Variants in THADA observed in about 807,000 individuals in gnomAD.
THADA encodes tRNA (32-2'-O)-methyltransferase regulator THADA.
In THADA, 213 loss-of-function variants were observed where a neutral mutation model predicts 219.8. That is an observed-to-expected ratio of 0.97 (90% confidence interval 0.87 to 1.09). The LOEUF (loss-of-function observed/expected upper bound fraction) is 1.09. Among genes scored for constraint, THADA ranks in the 50% least tolerant of loss-of-function variants. The pLI, the probability that THADA is intolerant of heterozygous loss-of-function variation, is 0.00. For synonymous variants in THADA, 1,018 were observed against 828.9 expected, an observed-to-expected ratio of 1.23 and a Z score of -3.92; for missense variants, 2,956 against 2,311.3, an observed-to-expected ratio of 1.28 and a Z score of -5.72.
chr2:43,322,132 T>C (rs1482331246), intron 30 of THADA, among the ~76,000 whole-genome samples: 1 of 151,848 alleles, frequency 6.6e-6, no homozygotes, highest in Non-Finnish European at 1.5e-5. Flanking sequence ...ACCTCCTGAA[T>C]TCGTGATTAT....
intron 30 of THADA, among the ~76,000 whole-genome samples, chr2:43,339,156 T>G (rs1415075510): frequency 1.3e-5 from 2 of 152,206 alleles, no homozygotes; most frequent in African/African-American, 4.8e-5. Flanking sequence ...CTTCCAAATT[T>G]TGTACTTGAC....
intron 22 of THADA, among the ~76,000 whole-genome samples, chr2:43,515,188 TATATTATATATAATATATA>T: frequency 1.8e-5 from 1 of 55,310 alleles, no homozygotes; most frequent in Non-Finnish European, 3.1e-5. Flanking sequence ...TTATATATAA[TATATTATATATAATATATA>T]ATATATAATA....
chr2:43,232,473 C>T (rs1034245520), intron 37 of THADA, among the ~76,000 whole-genome samples: 35 of 152,180 alleles, frequency 2.3e-4, no homozygotes, highest in Admixed American at 6.5e-4. Context: ...CCGCTGTGCC[C>T]GGCCAGGGGC....
intron 31 of THADA, among the ~76,000 whole-genome samples, chr2:43,307,527 G>A (rs1300770051): frequency 6.6e-6 from 1 of 152,244 alleles, no homozygotes; most frequent in Non-Finnish European, 1.5e-5. Flanking sequence ...CAATAGTTAT[G>A]TGTTCTCTCA....
chr2:43,428,378 C>A (rs975829221), intron 27 of THADA, 147 bp from the exon 28 acceptor site: 3 of 682,344 alleles, frequency 4.4e-6, no homozygotes, highest in African/African-American at 1.8e-5. Flanking sequence ...GAGGCCGAGG[C>A]GGATGGATCA....
intron 28 of THADA, among the ~76,000 whole-genome samples, chr2:43,404,517 T>G (rs917373878): frequency 2.0e-5 from 3 of 152,018 alleles, no homozygotes; most frequent in Non-Finnish European, 4.4e-5. Flanking sequence ...ACCTTTTTTG[T>G]GAAACTTTAC....
intron 29 of THADA, among the ~76,000 whole-genome samples, chr2:43,361,905 C>G (rs777158825): frequency 6.6e-6 from 1 of 152,170 alleles, no homozygotes; most frequent in Admixed American, 6.5e-5. Context: ...AAGGTATTAA[C>G]TCTATTAGTT....
At chr2:43,561,195 C>T (rs1484012199) in intron 15 of THADA, among the ~76,000 whole-genome samples, 1 of 152,124 alleles carries the variant, frequency 6.6e-6, no homozygotes, top group Non-Finnish European at 1.5e-5. Context: ...ATTAGACTGG[C>T]TTCACTCATC....
At chr2:43,333,264 C>G (rs1022593643) in intron 30 of THADA, 1 of 152,148 alleles carries the variant, frequency 6.6e-6, no homozygotes, top group African/African-American at 2.4e-5. Context: ...CCTGAGACGT[C>G]TGAAAGGGAA....
chr2:43,333,292 T>C (rs575649387), intron 30 of THADA: 13 of 152,184 alleles, frequency 8.5e-5, no homozygotes, highest in African/African-American at 3.1e-4. Flanking sequence ...TATGTCAGCA[T>C]GCTTGGGTTT....
chr2:43,367,152 T>C (rs1670251051), intron 29 of THADA, among the ~76,000 whole-genome samples: 2 of 151,748 alleles, frequency 1.3e-5, no homozygotes, highest in South Asian at 4.1e-4. Flanking sequence ...CACAAGAAAA[T>C]AGAATGGTAG....
At chr2:43,494,786 T>C (rs1184613998) in intron 25 of THADA, among the ~76,000 whole-genome samples, 1 of 152,224 alleles carries the variant, frequency 6.6e-6, no homozygotes, top group East Asian at 1.9e-4. Context: ...GCCGAAAATA[T>C]TTACATACTA....
At chr2:43,383,790 T>C (rs985320730) in intron 29 of THADA, among the ~76,000 whole-genome samples, 4 of 151,966 alleles carry the variant, frequency 2.6e-5, no homozygotes, top group African/African-American at 9.7e-5. Context: ...TTACTAACAC[T>C]CCACAGCAAC....
In THADA at chr2:43,435,253, A is replaced by C. The variant is rs143120612; in HGVS notation, c.3837-4951T>G. ...GAGGATCACCTGAGGTCGGGAGTTC[A>C]AGACCAGCCTGACCAACATGGAGAA... On this transcript the variant is annotated intron_variant, in intron 26 of 37. Transcript: ENST00000405975. 3.9e-3 allele frequency among the ~76,000 whole-genome samples: 586 copies of C among 152,114 alleles called. 29 individuals are homozygous for C. In the East Asian group the frequency reaches 0.11, roughly 27 times the overall value.
intron 29 of THADA, among the ~76,000 whole-genome samples, chr2:43,368,705 G>A (rs764077621): frequency 2.6e-5 from 4 of 152,042 alleles, no homozygotes; most frequent in Non-Finnish European, 4.4e-5. Flanking sequence ...TCGGCCCACA[G>A]CACTTTTTAA....
chr2:43,505,818 G>C (rs1264521798), intron 23 of THADA, 83 bp from the exon 24 acceptor site: 1 of 964,808 alleles, frequency 1.0e-6, no homozygotes, highest in African/African-American at 1.7e-5. Context: ...ATCCCAAAAT[G>C]CAAAATCCCC....
chr2:43,414,128 TAC>T (rs1676651852), intron 28 of THADA, among the ~76,000 whole-genome samples: 1 of 152,268 alleles, frequency 6.6e-6, no homozygotes, highest in African/African-American at 2.4e-5. Flanking sequence ...GTTTTTGATC[TAC>T]AGTTGGTTGA....
intron 29 of THADA, among the ~76,000 whole-genome samples, chr2:43,389,275 T>G (rs1673067738): frequency 6.6e-6 from 1 of 152,152 alleles, no homozygotes; most frequent in Non-Finnish European, 1.5e-5. Flanking sequence ...GTGTACTTAT[T>G]AACTTAGAAA....
intron 24 of THADA, among the ~76,000 whole-genome samples, chr2:43,504,045 A>G (rs1456489673): frequency 6.6e-6 from 1 of 152,146 alleles, no homozygotes; most frequent in Non-Finnish European, 1.5e-5. Context: ...TGACCTGTTC[A>G]GTATAATGCA....
Sources: gnomAD v4.1 joint callset for allele counts (sites outside exome capture counted in the v4.1 genomes callset) on GRCh38, gnomAD v4.1.1 for gene constraint, MANE v1.5 for transcripts, NCBI Gene and HGNC (gene_info 2026-07-23, HGNC 2026-07-21) for gene names.